Variants in CDH20 observed in about 807,000 individuals in gnomAD.
CDH20 encodes cadherin 20.
CDH20 carries 29 observed loss-of-function variants against 74.2 expected under a neutral mutation model. That is an observed-to-expected ratio of 0.39 (90% CI 0.29 to 0.53). The LOEUF (loss-of-function observed/expected upper bound fraction) is 0.53. Ranked by LOEUF, CDH20 falls within the 20% of genes least tolerant of loss-of-function variation. CDH20 has a pLI of 0.69. For synonymous variants in CDH20, 469 were observed against 405.4 expected (o/e 1.16, Z -1.88); for missense variants, 988 against 1,048.3 (o/e 0.94, Z 0.79).
At chr18:61,530,989 G>A (rs1568179109) in intron 7 of CDH20, among the ~76,000 whole-genome samples, 2 of 152,206 alleles carry the variant, frequency 1.3e-5, no homozygotes, top group African/African-American at 4.8e-5. Context: ...TCTGCTCATA[G>A]GAGGTTAGAA....
intron 1 of CDH20, among the ~76,000 whole-genome samples, chr18:61,410,929 G>A (rs1476451899): frequency 1.3e-5 from 2 of 152,194 alleles, no homozygotes; most frequent in East Asian, 1.9e-4. Flanking sequence ...GGCTGAGCGC[G>A]GTGGCTCACG....
chr18:61,545,154 T>G lies in CDH20; in HGVS notation c.1648+10T>G. On this transcript the variant is annotated intron_variant, in intron 10 of 11. Coordinates refer to ENST00000262717, the MANE Select transcript of CDH20 (RefSeq NM_031891.4). ...ATAAGGGACAACCAAGGTAATCAGG[T>G]GGATGGTTGGCTATCTGTGCTTTTC... The G allele has an allele frequency of 6.4e-7, 1 of 1,551,738 alleles. No homozygotes were observed. The highest frequency in any genetic ancestry group is 8.9e-7 in the Non-Finnish European group (1 of 1,123,106).
chr18:61,363,439 GA>G (rs1006086134), intron 1 of CDH20, among the ~76,000 whole-genome samples: 42 of 152,200 alleles, frequency 2.8e-4, no homozygotes, highest in African/African-American at 9.4e-4. Context: ...TATAGTGGGG[GA>G]AAAAGTATCT....
chr18:61,457,973 T>C (rs1304583099), intron 1 of CDH20, among the ~76,000 whole-genome samples: 1 of 152,176 alleles, frequency 6.6e-6, no homozygotes, highest in Non-Finnish European at 1.5e-5. Flanking sequence ...GTAAAGGAGC[T>C]AGTCTTCCTT....
At chr18:61,524,708 G>A (rs1912324506) in intron 6 of CDH20, among the ~76,000 whole-genome samples, 1 of 152,192 alleles carries the variant, frequency 6.6e-6, no homozygotes, top group Admixed American at 6.5e-5. Flanking sequence ...ATCACCTGAG[G>A]TCAAGAGTTC....
At chr18:61,368,436 G>A (rs1044678499) in intron 1 of CDH20, among the ~76,000 whole-genome samples, 1 of 122,654 alleles carries the variant, frequency 8.2e-6, no homozygotes, top group Non-Finnish European at 1.6e-5. Context: ...CTGCTGGGTC[G>A]GGGGTGGGGG....
At chr18:61,367,911 C>T (rs973512862) in intron 1 of CDH20, among the ~76,000 whole-genome samples, 2 of 152,016 alleles carry the variant, frequency 1.3e-5, no homozygotes, top group Admixed American at 6.6e-5. Context: ...TATCATTTCC[C>T]CTCTTGTCTT....
chr18:61,467,360 T>C (rs138634969), intron 1 of CDH20, among the ~76,000 whole-genome samples: 1 of 152,294 alleles, frequency 6.6e-6, no homozygotes, highest in East Asian at 1.9e-4. Flanking sequence ...AACATATTTA[T>C]GGTGTTTGGG....
intron 7 of CDH20, among the ~76,000 whole-genome samples, chr18:61,533,574 G>C (rs1912723025): frequency 6.6e-6 from 1 of 152,084 alleles, no homozygotes; most frequent in Non-Finnish European, 1.5e-5. Flanking sequence ...CCCAATCTGT[G>C]GGTTGTCTCT....
intron 1 of CDH20, among the ~76,000 whole-genome samples, chr18:61,482,255 A>T (rs1599115248): frequency 6.6e-6 from 1 of 152,194 alleles, no homozygotes; most frequent in South Asian, 2.1e-4. Flanking sequence ...TAGAATGATG[A>T]ATTTTTTATT....
rs576022981 is a variant in CDH20 at position 61,497,483 on chromosome 18, T to A, written c.247-1703T>A. ...GCAGCTTTTACCATGAGACTGTGCA[T>A]AACAAAAAAGCCAACAGGTTGTTTT... is the stretch of plus-strand genomic sequence containing the variant. On this transcript the variant is annotated intron_variant, in intron 2 of 11. Transcript: ENST00000262717. 5.9e-5 allele frequency among the ~76,000 whole-genome samples: 9 copies of A among 152,300 alleles called. No homozygotes were observed. The South Asian group carries it at 1.7e-3, about 28-fold the overall frequency.
chr18:61,368,479 A>G (rs1433807442), intron 1 of CDH20, among the ~76,000 whole-genome samples: 3 of 152,038 alleles, frequency 2.0e-5, no homozygotes, highest in African/African-American at 7.2e-5. Context: ...GACTGACAAC[A>G]TATGTTTGGG....
chr18:61,466,200 T>C (rs568563000), intron 1 of CDH20, among the ~76,000 whole-genome samples: 2 of 151,980 alleles, frequency 1.3e-5, no homozygotes, highest in Non-Finnish European at 2.9e-5. Flanking sequence ...TTTTTTGAAA[T>C]AAATGGTAAT....
intron 10 of CDH20, among the ~76,000 whole-genome samples, chr18:61,547,319 T>G (rs1913284466): frequency 6.6e-6 from 1 of 151,968 alleles, no homozygotes; most frequent in Non-Finnish European, 1.5e-5. Flanking sequence ...CAGAGTAAGA[T>G]CCTGTCTCTA....
Position 61,503,056 on chromosome 18 carries a change from T to C in CDH20, c.765T>C (p.Ala255=). The C allele has an allele frequency of 6.2e-7, 1 of 1,613,994 alleles. No homozygotes were observed. Among genetic ancestry groups the C allele is most frequent in the Non-Finnish European group, 8.5e-7 (1 of 1,179,896 alleles). ...TGGGAGGGCAGCTTGGAGGATTAGC[T>C]GGGACCACAACAGTCAACATCACCC... is the stretch of plus-strand genomic sequence containing the variant. ...KDMGGQLGGL[A]GTTTVNITLS... The change falls in exon 5 of 12, where the codon GCT becomes GCC. Residue 255 remains alanine, a synonymous_variant. Coordinates refer to ENST00000262717, the MANE Select transcript of CDH20 (RefSeq NM_031891.4).
chr18:61,505,832 T>G (rs945046818), intron 5 of CDH20, among the ~76,000 whole-genome samples: 6 of 152,248 alleles, frequency 3.9e-5, no homozygotes, highest in Non-Finnish European at 8.8e-5. Flanking sequence ...TCCTCTTTTT[T>G]GACCTTTTAA....
intron 6 of CDH20, among the ~76,000 whole-genome samples, chr18:61,509,496 A>G (rs987095271): frequency 4.6e-5 from 7 of 152,214 alleles, no homozygotes; most frequent in African/African-American, 1.7e-4. Flanking sequence ...TTTCAAGAAC[A>G]GCAACAGTGG....
intron 1 of CDH20, chr18:61,405,018 T>C (rs1315820994): frequency 1.4e-6 from 1 of 701,928 alleles, no homozygotes; most frequent in African/African-American, 1.8e-5. Flanking sequence ...CAACATTGCA[T>C]AGTACTCCAT....
At chr18:61,456,924 A>G (rs1338850334) in intron 1 of CDH20, among the ~76,000 whole-genome samples, 1 of 152,128 alleles carries the variant, frequency 6.6e-6, no homozygotes, top group African/African-American at 2.4e-5. Context: ...TCATTAGGCC[A>G]CTAATCTCAT....
Sources: gnomAD v4.1 joint callset for allele counts (sites outside exome capture counted in the v4.1 genomes callset) on GRCh38, gnomAD v4.1.1 for gene constraint, MANE v1.5 for transcripts, NCBI Gene and HGNC (gene_info 2026-07-23, HGNC 2026-07-21) for gene names.